Variants in MSRA observed in about 807,000 individuals in gnomAD.
The protein encoded by MSRA is methionine sulfoxide reductase A.
MSRA carries 54 observed loss-of-function variants against 31.3 expected under a neutral mutation model. That is an observed-to-expected ratio of 1.73 (90% CI 1.39 to 2.17). The LOEUF is 2.17. Among genes scored for constraint, MSRA ranks in the 30% most tolerant of loss-of-function variants. The pLI is 0.00. For synonymous variants in MSRA, 169 were observed against 116.5 expected (o/e 1.45, Z -2.90); for missense variants, 507 against 300.9 (o/e 1.69, Z -5.07).
intron 1 of MSRA, among the ~76,000 whole-genome samples, chr8:10,076,089 T>C (rs1563403417): frequency 6.6e-6 from 1 of 152,038 alleles, no homozygotes; most frequent in African/African-American, 2.4e-5. Flanking sequence ...GTCATGTGCT[T>C]ACTGGCTGTG....
At chr8:10,144,974 A>G (rs1383958363) in intron 1 of MSRA, among the ~76,000 whole-genome samples, 1 of 151,650 alleles carries the variant, frequency 6.6e-6, no homozygotes, top group Non-Finnish European at 1.5e-5. Flanking sequence ...GGGAGGGGGC[A>G]TGTAGGAGTC....
chr8:10,314,275 A>ATTAGT (rs1471877534), intron 4 of MSRA, among the ~76,000 whole-genome samples: 3 of 152,220 alleles, frequency 2.0e-5, no homozygotes, highest in Admixed American at 1.3e-4. Flanking sequence ...TTGATAAAGG[A>ATTAGT]TTAGTATTCA....
chr8:10,210,116 A>G (rs1468057278), intron 2 of MSRA, among the ~76,000 whole-genome samples: 2 of 152,112 alleles, frequency 1.3e-5, no homozygotes, highest in Admixed American at 1.3e-4. Context: ...TGGGTTGTTT[A>G]TCACTGCAAT....
At chr8:10,195,428 A>G (rs1301294773) in intron 1 of MSRA, among the ~76,000 whole-genome samples, 1 of 152,184 alleles carries the variant, frequency 6.6e-6, no homozygotes, top group African/African-American at 2.4e-5. Flanking sequence ...TTTAGCAGAG[A>G]TGGGGGTTCC....
intron 3 of MSRA, among the ~76,000 whole-genome samples, chr8:10,270,767 A>G (rs781168110): frequency 9.2e-5 from 14 of 152,352 alleles, no homozygotes; most frequent in African/African-American, 2.4e-4. Context: ...CCTATGAAGA[A>G]TTTAGGAAAG....
At chr8:10,394,474 G>C (rs541007698) in intron 5 of MSRA, among the ~76,000 whole-genome samples, 3 of 152,310 alleles carry the variant, frequency 2.0e-5, no homozygotes, top group Non-Finnish European at 4.4e-5. Flanking sequence ...AATTGCACAC[G>C]TTTTCTCATT....
chr8:10,299,386 T>C (rs776918764), intron 3 of MSRA, among the ~76,000 whole-genome samples: 15 of 152,276 alleles, frequency 9.9e-5, no homozygotes, highest in Middle Eastern at 3.4e-3. Context: ...CAAAATAATA[T>C]GTTCTACTAG....
chr8:10,265,698 G>T (rs544002642), intron 3 of MSRA, among the ~76,000 whole-genome samples: 1 of 152,184 alleles, frequency 6.6e-6, no homozygotes, highest in Non-Finnish European at 1.5e-5. Flanking sequence ...CCACAGTCAA[G>T]ATAATGAGCA....
chr8:10,350,314 T>A (rs1267270708), intron 5 of MSRA, among the ~76,000 whole-genome samples: 1 of 152,232 alleles, frequency 6.6e-6, no homozygotes, highest in African/African-American at 2.4e-5. Flanking sequence ...CTTCACAGCT[T>A]GCACTAGCCA....
At chr8:10,073,682 C>T (rs1797851832) in intron 1 of MSRA, among the ~76,000 whole-genome samples, 1 of 152,060 alleles carries the variant, frequency 6.6e-6, no homozygotes, top group African/African-American at 2.4e-5. Context: ...CGGCCAGCCT[C>T]AGAAGAAAGC....
intron 1 of MSRA, among the ~76,000 whole-genome samples, chr8:10,183,676 C>G (rs1034131201): frequency 1.3e-5 from 2 of 151,942 alleles, no homozygotes; most frequent in African/African-American, 4.8e-5. Flanking sequence ...ATCTTTTTTC[C>G]CACTCTACCC....
At chr8:10,121,434 G>C (rs888584632) in intron 1 of MSRA, among the ~76,000 whole-genome samples, 13 of 152,166 alleles carry the variant, frequency 8.5e-5, no homozygotes, top group Admixed American at 7.9e-4. Flanking sequence ...TGCTTGGCAG[G>C]CTGACGTAGA....
chr8:10,068,248 A>G (rs927247548), intron 1 of MSRA, among the ~76,000 whole-genome samples: 1 of 151,782 alleles, frequency 6.6e-6, no homozygotes, highest in African/African-American at 2.4e-5. Flanking sequence ...GTCTTTTCCA[A>G]TTTTTTCCCA....
At chr8:10,260,846 T>A (rs1798442528) in intron 3 of MSRA, among the ~76,000 whole-genome samples, 1 of 152,244 alleles carries the variant, frequency 6.6e-6, no homozygotes, top group Non-Finnish European at 1.5e-5. Context: ...CTGAATGTTG[T>A]AATCGTATGA....
intron 2 of MSRA, among the ~76,000 whole-genome samples, chr8:10,230,653 C>T (rs965120392): frequency 1.2e-4 from 19 of 152,176 alleles, no homozygotes; most frequent in Admixed American, 2.6e-4. Context: ...AGTTGGAATA[C>T]ATACTTCTTA....
intron 4 of MSRA, among the ~76,000 whole-genome samples, chr8:10,306,846 T>G (rs548086270): frequency 6.6e-6 from 1 of 152,304 alleles, no homozygotes; most frequent in African/African-American, 2.4e-5. Context: ...AAATCTGATT[T>G]CTCAGTTGCA....
chr8:10,146,674 A>T (rs1334547112), intron 1 of MSRA, among the ~76,000 whole-genome samples: 1 of 152,178 alleles, frequency 6.6e-6, no homozygotes, highest in African/African-American at 2.4e-5. Context: ...GGTCAGTTGT[A>T]TGGTATGTGA....
At chr8:10,421,554 C>A (rs1808812068) in intron 5 of MSRA, among the ~76,000 whole-genome samples, 3 of 152,090 alleles carry the variant, frequency 2.0e-5, no homozygotes, top group African/African-American at 7.2e-5. Flanking sequence ...CTTGGAGAAT[C>A]TCGGTGATCC....
Position 10,301,644 on chromosome 8 carries a change from G to A in MSRA, c.436+6G>A. 1 of 1,603,414 alleles carries A rather than the reference G, an allele frequency of 6.2e-7. No homozygotes were observed. The highest frequency in any genetic ancestry group is 1.7e-5 in the Admixed American group (1 of 59,526). ...GAATCACGACCCGACCCAAGGTAGAGTGATGAGTGAGCCAGTATTTAATTA... is the reference window on the plus strand; with the variant it reads ...GAATCACGACCCGACCCAAGGTAGAATGATGAGTGAGCCAGTATTTAATTA... On this transcript the variant is annotated splice_donor_region_variant and intron_variant, in intron 4 of 5. Transcript: ENST00000317173.
Sources: allele counts gnomAD v4.1 joint callset (sites outside exome capture counted in the v4.1 genomes callset), GRCh38; gene constraint gnomAD v4.1.1; transcripts MANE v1.5; gene names NCBI Gene and HGNC (gene_info 2026-07-23, HGNC 2026-07-21).